RARB: variants seen among roughly 807,000 people sequenced by gnomAD.
RARB encodes the protein retinoic acid receptor beta.
In RARB, 17 loss-of-function variants were observed where a neutral mutation model predicts 51.9. The observed-to-expected ratio is 0.33, with a 90% CI of 0.22 to 0.49. RARB has a LOEUF of 0.49. Ranked by LOEUF, RARB falls within the 20% of genes least tolerant of loss-of-function variation. The pLI is 0.99. For synonymous variants in RARB, 215 were observed against 195.4 expected, an observed-to-expected ratio of 1.10 and a Z score of -0.84; for missense variants, 369 against 550.8, an observed-to-expected ratio of 0.67 and a Z score of 3.30.
At chr3:25,108,326 T>G (rs1165164208) in intron 3 of RARB, among the ~76,000 whole-genome samples, 1 of 152,148 alleles carries the variant, frequency 6.6e-6, no homozygotes, top group East Asian at 1.9e-4. Context: ...TAATAGAAGT[T>G]TATGTCTCAT....
chr3:25,057,651 A>T lies in RARB; in HGVS notation c.-379-2474A>T, dbSNP rs1419978799. On this transcript the variant is annotated intron_variant, in intron 2 of 11. Coordinates refer to the RARB transcript ENST00000383772. ...AGAACAGCTTCAAAGGAAAAATGAA[A>T]AGGACTTCTTTTGTTTCAGTTTCTT... Among the ~76,000 whole-genome samples the T allele has an allele frequency of 5.3e-5, 8 of 152,104 alleles. No individual in the cohort carries two copies. The East Asian group carries it at 1.5e-3, about 29-fold the overall frequency.
At chr3:24,897,369 G>C (rs1437383350) in intron 2 of RARB, among the ~76,000 whole-genome samples, 1 of 152,090 alleles carries the variant, frequency 6.6e-6, no homozygotes, top group Non-Finnish European at 1.5e-5. Flanking sequence ...TGTAGTTTTT[G>C]ACTTCGTTCT....
intron 2 of RARB, among the ~76,000 whole-genome samples, chr3:24,913,989 A>G (rs1282532754): frequency 5.9e-5 from 9 of 152,338 alleles, no homozygotes; most frequent in Middle Eastern, 3.4e-3. Context: ...GGAAATACAC[A>G]CAAGTCAGCC....
At chr3:24,900,296 T>C (rs534257741) in intron 2 of RARB, among the ~76,000 whole-genome samples, 40 of 150,674 alleles carry the variant, frequency 2.7e-4, no homozygotes, top group Admixed American at 5.3e-4. Flanking sequence ...TAAAAAAAAA[T>C]TAGGATAAAC....
rs1699200872 is a variant in RARB at position 25,091,599 on chromosome 3, C to T, written c.-328+31423C>T. Among the ~76,000 whole-genome samples, 5 of 152,284 alleles carry T rather than the reference C, an allele frequency of 3.3e-5. 1 individual carries two copies. In the South Asian group the frequency reaches 1.0e-3, roughly 32 times the overall value. On this transcript the variant is annotated intron_variant, in intron 3 of 11. Coordinates refer to the RARB transcript ENST00000383772. ...TGTTTAGGGTATTTTTCCCCACTTA[C>T]TCTCCAAGTGCTCATATACATAAAT...
intron 5 of RARB, among the ~76,000 whole-genome samples, chr3:25,386,379 T>A (rs1455555883): frequency 6.6e-6 from 1 of 152,148 alleles, no homozygotes; most frequent in Non-Finnish European, 1.5e-5. Context: ...GCCTTGTAAG[T>A]CTATGTCAAG....
At chr3:24,844,185 G>A (rs1214938908) in intron 1 of RARB, among the ~76,000 whole-genome samples, 1 of 152,196 alleles carries the variant, frequency 6.6e-6, no homozygotes, top group Admixed American at 6.5e-5. Flanking sequence ...TGCCCAATGG[G>A]GAGGAGGGGT....
At chr3:25,221,621 T>C (rs556069349) in intron 5 of RARB, among the ~76,000 whole-genome samples, 1 of 149,738 alleles carries the variant, frequency 6.7e-6, no homozygotes, top group South Asian at 2.1e-4. Context: ...ATTATGAAGA[T>C]ACAACTTGTA....
chr3:25,041,363 C>A (rs912085018), intron 2 of RARB, among the ~76,000 whole-genome samples: 2 of 151,926 alleles, frequency 1.3e-5, no homozygotes, highest in Non-Finnish European at 2.9e-5. Flanking sequence ...TTTAAATATT[C>A]GAATCCATCT....
rs190672690 is a variant in RARB at position 25,181,274 on chromosome 3, C to T, written c.178+6699C>T. On this transcript the variant is annotated intron_variant, in intron 5 of 11. Transcript: ENST00000383772. ...TGAAGCTTATAACATTCCTTCCCAC[C>T]CAGGTACCCACTGTGCATCGTAAGT... 7.9e-5 allele frequency among the ~76,000 whole-genome samples: 12 copies of T among 152,270 alleles called. No individual in the cohort carries two copies. The East Asian group carries it at 1.3e-3, about 17-fold the overall frequency.
At chr3:24,951,917 C>T (rs533205739) in intron 2 of RARB, among the ~76,000 whole-genome samples, 130 of 152,222 alleles carry the variant, frequency 8.5e-4, no homozygotes, top group Non-Finnish European at 1.6e-3. Context: ...TTACAGGAAA[C>T]GTAATACACC....
intron 3 of RARB, among the ~76,000 whole-genome samples, chr3:25,536,145 G>A (rs892041253): frequency 6.6e-6 from 1 of 152,136 alleles, no homozygotes; most frequent in African/African-American, 2.4e-5. Context: ...AACATATTCA[G>A]TAGAACCCAA....
At chr3:25,275,092 G>A (rs1473185456) in intron 5 of RARB, among the ~76,000 whole-genome samples, 4 of 152,190 alleles carry the variant, frequency 2.6e-5, no homozygotes, top group Non-Finnish European at 5.9e-5. Flanking sequence ...GCCCCATCAT[G>A]CTATCAGAGG....
intron 4 of RARB, among the ~76,000 whole-genome samples, chr3:25,157,183 T>C (rs1231106840): frequency 6.6e-6 from 1 of 152,134 alleles, no homozygotes; most frequent in Non-Finnish European, 1.5e-5. Flanking sequence ...TGGGAAAAAG[T>C]GTTTTGTTCT....
chr3:25,394,512 C>G (rs1388478561), intron 5 of RARB, among the ~76,000 whole-genome samples: 1 of 152,088 alleles, frequency 6.6e-6, no homozygotes, highest in Admixed American at 6.6e-5. Context: ...AGTCCCCCAA[C>G]TATTATTGTG....
intron 5 of RARB, among the ~76,000 whole-genome samples, chr3:25,282,805 C>G (rs975682071): frequency 5.3e-5 from 8 of 152,180 alleles, no homozygotes; most frequent in African/African-American, 1.9e-4. Context: ...ACCACCACCA[C>G]CCACATCTTT....
intron 2 of RARB, among the ~76,000 whole-genome samples, chr3:25,028,870 G>T (rs1382095581): frequency 6.6e-6 from 1 of 152,160 alleles, no homozygotes; most frequent in African/African-American, 2.4e-5. Flanking sequence ...CCGTTCTGGG[G>T]CTCTCGTGAA....
chr3:25,160,820 G>A (rs1700461849), intron 4 of RARB, among the ~76,000 whole-genome samples: 1 of 152,088 alleles, frequency 6.6e-6, no homozygotes, highest in South Asian at 2.1e-4. Flanking sequence ...GCCCTTTTCA[G>A]CTTCTAGTGG....
intron 4 of RARB, among the ~76,000 whole-genome samples, chr3:25,570,654 G>T (rs759325796): frequency 9.2e-5 from 14 of 152,154 alleles, no homozygotes; most frequent in Non-Finnish European, 1.3e-4. Context: ...GGGTCATGAG[G>T]TGCTTTAATT....
Sources: allele counts gnomAD v4.1 joint callset (sites outside exome capture counted in the v4.1 genomes callset), GRCh38; gene constraint gnomAD v4.1.1; transcripts MANE v1.5; gene names NCBI Gene and HGNC (gene_info 2026-07-23, HGNC 2026-07-21).